Variants in VPS54 observed in about 807,000 individuals in gnomAD.
VPS54 encodes the protein vacuolar protein sorting-associated protein 54.
A neutral mutation model predicts 121.5 loss-of-function variants in VPS54; 45 were observed. That is an observed-to-expected ratio of 0.37 (90% confidence interval 0.29 to 0.47). The LOEUF (loss-of-function observed/expected upper bound fraction) is 0.47, where lower values mean the gene tolerates loss of function less well. Ranked by LOEUF, VPS54 falls within the 20% of genes least tolerant of loss-of-function variation. The pLI is 0.99. For synonymous variants in VPS54, 371 were observed against 385.8 expected (o/e 0.96, Z 0.45); for missense variants, 1,090 against 1,131.4 (o/e 0.96, Z 0.52).
At chr2:63,901,909 G>C (rs1672694441) in intron 20 of VPS54, among the ~76,000 whole-genome samples, 1 of 152,156 alleles carries the variant, frequency 6.6e-6, no homozygotes, top group African/African-American at 2.4e-5. Context: ...TAGCTACTTG[G>C]AAGGCTGAGG....
intron 16 of VPS54, 45 bp downstream of exon 16, chr2:63,916,855 T>C (rs367665782): frequency 6.3e-7 from 1 of 1,590,124 alleles, no homozygotes; most frequent in South Asian, 1.1e-5. Context: ...AAGACTTGTG[T>C]TTTAAATAGT....
chr2:64,005,284 T>C (rs1678086474), intron 1 of VPS54, among the ~76,000 whole-genome samples: 1 of 150,494 alleles, frequency 6.6e-6, no homozygotes, highest in African/African-American at 2.5e-5. Flanking sequence ...TTTGTATTTT[T>C]AGTAGAGACG....
rs1314900934 is a variant in VPS54 at position 63,892,214 on chromosome 2, TAAAGG to T, written c.*1211_*1215del. ...AACCAAAGACATACCTCTGTAATGA[TAAAGG>T]AAAGAAAACAAGCTTTCCTTTTAAG... On this transcript the variant is annotated 3_prime_UTR_variant, in exon 23 of 23. Transcript: ENST00000272322. The T allele has an allele frequency of 1.3e-5, 2 of 152,128 alleles. No homozygotes were observed. The highest frequency in any genetic ancestry group is 2.4e-5 in the African/African-American group (1 of 41,424). The allele number at this position is 152,128 out of a possible 1,614,324, so 9.4% of individuals were successfully genotyped here.
At chr2:64,004,624 G>C (rs1333373588) in intron 1 of VPS54, among the ~76,000 whole-genome samples, 2 of 152,172 alleles carry the variant, frequency 1.3e-5, no homozygotes, top group Non-Finnish European at 2.9e-5. Context: ...TAGATCAGGA[G>C]TTAAGCTTTA....
chr2:63,900,761 GT>G (rs1243886997), intron 20 of VPS54, among the ~76,000 whole-genome samples: 4 of 150,050 alleles, frequency 2.7e-5, no homozygotes, highest in Non-Finnish European at 6.0e-5. Context: ...GGTTTTTTTT[GT>G]TTGTTTTTTT....
Position 63,944,621 on chromosome 2 carries a change from A to T in VPS54, c.1280T>A (p.Ile427Lys). 2 of 1,610,554 alleles carry T rather than the reference A, an allele frequency of 1.2e-6. No individual in the cohort carries two copies. Among genetic ancestry groups the T allele is most frequent in the Non-Finnish European group, 1.7e-6 (2 of 1,178,618 alleles). Residue 427 changes from isoleucine (I) to lysine (K), a missense_variant, in exon 10 of 23, where the codon ATA becomes AAA. Ile to Lys is a moderately radical substitution (Grantham distance 102). This residue lies in a region of VPS54 where 801 missense variants were observed against 757.0 expected (regional missense o/e 1.06). Transcript: ENST00000272322. ...VINKVSQTEE[I>K]DTDVVVKLAD... ...TTACTTCACAACAACATCTGTGTCTATTTCTTCTGTTTGTGAAACTTTATT... is the reference window on the plus strand; with the variant it reads ...TTACTTCACAACAACATCTGTGTCTTTTTCTTCTGTTTGTGAAACTTTATT...
intron 1 of VPS54, among the ~76,000 whole-genome samples, chr2:64,015,491 C>A (rs1399451533): frequency 6.6e-6 from 1 of 151,974 alleles, no homozygotes; most frequent in East Asian, 1.9e-4. Context: ...ATCGTGCAGC[C>A]CCTAGGTTTA....
chr2:63,960,480 T>C (rs878940899), intron 7 of VPS54, among the ~76,000 whole-genome samples: 1 of 152,192 alleles, frequency 6.6e-6, no homozygotes, highest in Non-Finnish European at 1.5e-5. Context: ...CATAAACTTA[T>C]GAGTCAAGGA....
chr2:63,955,738 T>A (rs1005865043), intron 7 of VPS54, among the ~76,000 whole-genome samples: 1 of 152,070 alleles, frequency 6.6e-6, no homozygotes, highest in Non-Finnish European at 1.5e-5. Flanking sequence ...AATGCAACTT[T>A]CAGAACTATA....
At chr2:63,915,655 A>G (rs1004863590) in intron 16 of VPS54, among the ~76,000 whole-genome samples, 1 of 152,206 alleles carries the variant, frequency 6.6e-6, no homozygotes, top group Non-Finnish European at 1.5e-5. Flanking sequence ...CCAGTAGTTA[A>G]GGAGGGAAAT....
intron 7 of VPS54, among the ~76,000 whole-genome samples, chr2:63,951,048 T>A (rs938814031): frequency 7.9e-5 from 12 of 152,186 alleles, no homozygotes; most frequent in African/African-American, 2.9e-4. Context: ...TCTTAGCTTT[T>A]TCTCAAGTAA....
chr2:63,948,419 T>G (rs4374357), intron 8 of VPS54, among the ~76,000 whole-genome samples: 40 of 117,988 alleles, frequency 3.4e-4, no homozygotes, highest in African/African-American at 8.1e-4. Context: ...TTTCGGTTTT[T>G]TTTTTTTTTT....
intron 7 of VPS54, among the ~76,000 whole-genome samples, chr2:63,951,173 G>A (rs1361124888): frequency 6.8e-6 from 1 of 146,662 alleles, no homozygotes; most frequent in Non-Finnish European, 1.5e-5. Flanking sequence ...TGTAAATGCT[G>A]TTGTAGCTGG....
chr2:63,963,950 C>T (rs562145556), intron 6 of VPS54, among the ~76,000 whole-genome samples: 2 of 152,204 alleles, frequency 1.3e-5, no homozygotes, highest in South Asian at 2.1e-4. Flanking sequence ...ATTAAGCACA[C>T]TGTATTTTTT....
intron 1 of VPS54, among the ~76,000 whole-genome samples, chr2:63,996,681 C>A (rs796705533): frequency 6.6e-6 from 1 of 152,144 alleles, no homozygotes; most frequent in South Asian, 2.1e-4. Flanking sequence ...AATGCATTCC[C>A]GGCCGGGGAG....
Position 63,902,555 on chromosome 2 carries a change from TA to T in VPS54, c.2626-2975del, listed in dbSNP as rs140510193. On this transcript the variant is annotated intron_variant, in intron 20 of 22. Coordinates refer to ENST00000272322, the MANE Select transcript of VPS54 (RefSeq NM_016516.3). ...CTACATACAAGGTTCAGCATTTAAT[TA>T]AAAAAAAAACAAAATATACAAAAAA... Among the ~76,000 whole-genome samples, 70 of 146,682 alleles carry T rather than the reference TA, an allele frequency of 4.8e-4. No individual in the cohort carries two copies. In the South Asian group the frequency reaches 6.9e-3, roughly 15 times the overall value.
chr2:63,963,427 TTTTAC>T (rs1417656844), intron 6 of VPS54, among the ~76,000 whole-genome samples: 1 of 152,114 alleles, frequency 6.6e-6, no homozygotes, highest in Non-Finnish European at 1.5e-5. Context: ...TCACCCATTT[TTTTAC>T]TTTGAGATTT....
intron 1 of VPS54, among the ~76,000 whole-genome samples, chr2:63,986,538 G>A (rs149872485): frequency 2.6e-5 from 4 of 152,220 alleles, no homozygotes; most frequent in East Asian, 1.9e-4. Context: ...GTTCCAAATC[G>A]AGGCTATTGT....
chr2:63,893,894 G>C (rs1156311726), intron 22 of VPS54, among the ~76,000 whole-genome samples: 1 of 152,160 alleles, frequency 6.6e-6, no homozygotes, highest in African/African-American at 2.4e-5. Context: ...TGGGAGTGCT[G>C]ACTAAAATAG....
Sources: allele counts gnomAD v4.1 joint callset (sites outside exome capture counted in the v4.1 genomes callset), GRCh38; gene constraint gnomAD v4.1.1; regional missense constraint gnomAD v4.1.1; transcripts MANE v1.5; gene names NCBI Gene and HGNC (gene_info 2026-07-23, HGNC 2026-07-21).